MARF1: variants seen among roughly 807,000 people sequenced by gnomAD.
MARF1 encodes the protein limkain-b1.
In MARF1, 24 loss-of-function variants were observed where a neutral mutation model predicts 168.2. That is an observed-to-expected ratio of 0.14 (90% confidence interval 0.10 to 0.20). The LOEUF (loss-of-function observed/expected upper bound fraction) is 0.20. Among genes scored for constraint, MARF1 ranks in the 10% least tolerant of loss-of-function variants. The pLI is 1.00. For synonymous variants in MARF1, 868 were observed against 822.4 expected, an observed-to-expected ratio of 1.06 and a Z score of -0.95; for missense variants, 1,744 against 2,143.6, an observed-to-expected ratio of 0.81 and a Z score of 3.68.
rs556759871 is a variant in MARF1 at position 15,615,517 on chromosome 16, C to T, written c.3253+313G>A. Among the ~76,000 whole-genome samples the T allele has an allele frequency of 1.4e-4, 22 of 152,082 alleles. No individual in the cohort carries two copies. In the South Asian group the frequency reaches 3.3e-3, roughly 23 times the overall value. The stretch of plus-strand genomic sequence containing the variant: ...GCTGGTGCCTGTAGTCCCAGCTACT[C>T]GGGAGGCTGAGGCAGGAGAATCACT... On this transcript the variant is annotated intron_variant, in intron 16 of 26. Transcript: ENST00000396368.
intron 25 of MARF1, 114 bp from the exon 26 acceptor site, chr16:15,599,138 G>C: frequency 5.2e-5 from 23 of 445,560 alleles, no homozygotes; most frequent in Non-Finnish European, 6.2e-5. Context: ...AGAGAGTCAA[G>C]AAGTATTTAA....
At position 15,596,669 on chromosome 16, in the gene MARF1, C is replaced by T. The variant is rs374418889; in HGVS notation, c.*24G>A. 1.2e-5 allele frequency: 18 copies of T among 1,551,980 alleles called. No individual in the cohort carries two copies. The African/African-American group carries it at 1.4e-4, about 12-fold the overall frequency. ...CAGAATCAGACAGTGTTTTCCCATC[C>T]TAATTCTATATTCCAAATGGGAGTT... On this transcript the variant is annotated 3_prime_UTR_variant, in exon 27 of 27. Transcript: ENST00000396368.
At position 15,602,180 on chromosome 16, in the gene MARF1, T is replaced by C; in HGVS notation, c.4437A>G (p.Glu1479=). The change falls in exon 23 of 27, where the codon GAA becomes GAG. Residue 1479 remains glutamate (E), a synonymous_variant. Transcript: ENST00000396368. ...ACAGACTTGTGAGCTTCACACATTC[T>C]TCCATCTTATCATTAGTGAAAACCT... ...LVEVFTNDKM[E]ECVKLTSLYL... The C allele has an allele frequency of 6.2e-7, 1 of 1,614,144 alleles. No homozygotes were observed. Among genetic ancestry groups the C allele is most frequent in the Non-Finnish European group, 8.5e-7 (1 of 1,179,954 alleles).
In MARF1 at chr16:15,613,381, G is replaced by A. The variant is rs532249074; in HGVS notation, c.3254-604C>T. Among the ~76,000 whole-genome samples, 11 of 152,208 alleles carry A rather than the reference G, an allele frequency of 7.2e-5. No homozygotes were observed. The South Asian group carries it at 8.3e-4, about 11-fold the overall frequency. Reference sequence around the variant, plus strand: ...GGTGGAGAGGCTTGCTGGTCGCGGCGGCTCATGCCTGTAATCCCAGCACTT... The same window carrying A: ...GGTGGAGAGGCTTGCTGGTCGCGGCAGCTCATGCCTGTAATCCCAGCACTT... On this transcript the variant is annotated intron_variant, in intron 16 of 26. Transcript: ENST00000396368.
intron 3 of MARF1, 111 bp downstream of exon 3, chr16:15,635,545 C>A (rs867335324): frequency 5.1e-6 from 5 of 973,706 alleles, no homozygotes; most frequent in African/African-American, 3.3e-5. Flanking sequence ...TTCCCCTATA[C>A]CATGGGAGAA....
At chr16:15,598,017 C>T (rs908831176) in intron 26 of MARF1, among the ~76,000 whole-genome samples, 3 of 152,180 alleles carry the variant, frequency 2.0e-5, no homozygotes, top group East Asian at 1.9e-4. Flanking sequence ...CAGGAGTCCA[C>T]GGGTTGTTCC....
At chr16:15,641,158 G>A (rs1250120660) in intron 1 of MARF1, among the ~76,000 whole-genome samples, 2 of 151,572 alleles carry the variant, frequency 1.3e-5, no homozygotes, top group Non-Finnish European at 2.9e-5. Context: ...ATTTCTCCCC[G>A]CCACTGCATT....
chr16:15,633,175 CCACACACACACACACACACACACA>C (rs140240605), intron 5 of MARF1, among the ~76,000 whole-genome samples: 1 of 136,928 alleles, frequency 7.3e-6, no homozygotes, highest in Non-Finnish European at 1.6e-5. Flanking sequence ...AAAAAAAACA[CCACACACACACACACACACACACA>C]CACACACGTA....
intron 20 of MARF1, among the ~76,000 whole-genome samples, 170 bp downstream of exon 20, chr16:15,609,353 C>T (rs1596453815): frequency 1.3e-5 from 2 of 152,136 alleles, no homozygotes; most frequent in East Asian, 3.8e-4. Flanking sequence ...CCATATTTAT[C>T]TAAAAATACT....
chr16:15,614,662 G>A (rs552888186), intron 16 of MARF1, among the ~76,000 whole-genome samples: 15 of 147,534 alleles, frequency 1.0e-4, no homozygotes, highest in African/African-American at 2.8e-4. Context: ...GCGTGGTGGC[G>A]GGCGCCTGTA....
At chr16:15,615,229 C>A (rs551214303) in intron 16 of MARF1, among the ~76,000 whole-genome samples, 36 of 152,270 alleles carry the variant, frequency 2.4e-4, no homozygotes, top group African/African-American at 8.4e-4. Context: ...GGTGTGGTGG[C>A]TCATGCCTGT....
At chr16:15,635,280 T>A (rs915598341) in intron 3 of MARF1, 3 of 382,750 alleles carry the variant, frequency 7.8e-6, no homozygotes, top group Non-Finnish European at 1.4e-5. Context: ...GTTTCCCACA[T>A]TATTGCAAAA....
intron 16 of MARF1, among the ~76,000 whole-genome samples, chr16:15,613,838 C>T (rs1386732259): frequency 2.0e-5 from 3 of 152,086 alleles, no homozygotes; most frequent in African/African-American, 7.2e-5. Flanking sequence ...ACACACATTC[C>T]TAAGAGCAGG....
At chr16:15,638,738 A>G (rs952138990) in intron 2 of MARF1, among the ~76,000 whole-genome samples, 2 of 152,254 alleles carry the variant, frequency 1.3e-5, no homozygotes, top group Admixed American at 6.5e-5. Context: ...TATAGACTCA[A>G]AACTCAAGAG....
rs528927405 is a variant in MARF1, at chr16:15,624,121, C to T, written c.2270+648G>A. Among the ~76,000 whole-genome samples the T allele has an allele frequency of 1.1e-4, 17 of 151,776 alleles. No individual in the cohort carries two copies. In the East Asian group the frequency reaches 1.4e-3, roughly 12 times the overall value. ...AGAGATGGGGTTTCACCGTGTTAGC[C>T]GGTTAGCCAGGATGGTCTTGATCTC... On this transcript the variant is annotated intron_variant, in intron 10 of 26. Coordinates refer to ENST00000396368, the MANE Select transcript of MARF1 (RefSeq NM_014647.4).
chr16:15,622,568 A>G (rs1182555725), intron 11 of MARF1, among the ~76,000 whole-genome samples: 2 of 151,920 alleles, frequency 1.3e-5, no homozygotes, highest in Non-Finnish European at 1.5e-5. Context: ...ATTTTTTTTT[A>G]GTAGAGACGG....
At chr16:15,597,600 T>C (rs2031867777) in intron 26 of MARF1, among the ~76,000 whole-genome samples, 2 of 152,166 alleles carry the variant, frequency 1.3e-5, no homozygotes, top group Admixed American at 6.5e-5. Flanking sequence ...TCCCACTGCA[T>C]AGGGCACAGG....
intron 10 of MARF1, among the ~76,000 whole-genome samples, chr16:15,623,480 C>T (rs1315462829): frequency 6.6e-6 from 1 of 151,808 alleles, no homozygotes; most frequent in Non-Finnish European, 1.5e-5. Flanking sequence ...GGGGTTTTAC[C>T]ATGTTGGCCA....
intron 13 of MARF1, among the ~76,000 whole-genome samples, chr16:15,619,491 T>A (rs1050307304): frequency 1.5e-4 from 23 of 152,142 alleles, no homozygotes; most frequent in Admixed American, 2.6e-4. Flanking sequence ...GCAGCATGAT[T>A]CCCATCACCA....
Sources: allele counts gnomAD v4.1 joint callset (sites outside exome capture counted in the v4.1 genomes callset), GRCh38; gene constraint gnomAD v4.1.1; transcripts MANE v1.5; gene names NCBI Gene and HGNC (gene_info 2026-07-23, HGNC 2026-07-21).